ARHGAP19: variants seen among roughly 807,000 people sequenced by gnomAD.
ARHGAP19 encodes the protein rho GTPase-activating protein 19.
ARHGAP19 carries 48 observed loss-of-function variants against 60.9 expected under a neutral mutation model. The ratio of observed to expected loss-of-function variants is 0.79; its 90% CI spans 0.62 to 1.00. The LOEUF is 1.00. Among genes scored for constraint, ARHGAP19 ranks in the 50% least tolerant of loss-of-function variants. ARHGAP19 has a pLI of 0.00. For synonymous variants in ARHGAP19, 209 were observed against 215.5 expected (o/e 0.97, Z 0.27); for missense variants, 562 against 597.2 (o/e 0.94, Z 0.61).
At chr10:97,245,592 T>A (rs1402694063) in intron 7 of ARHGAP19, among the ~76,000 whole-genome samples, 5 of 84,258 alleles carry the variant, frequency 5.9e-5, no homozygotes, top group Non-Finnish European at 1.0e-4. Flanking sequence ...CGAAACCCTA[T>A]CTCAAAAAAA....
chr10:97,256,843 C>A (rs542390403), intron 5 of ARHGAP19, among the ~76,000 whole-genome samples: 3 of 152,128 alleles, frequency 2.0e-5, no homozygotes, highest in African/African-American at 4.8e-5. Context: ...GTAAAATTAC[C>A]GGGCGTGGTG....
chr10:97,226,537 A>G (rs2134797541), intron 11 of ARHGAP19, among the ~76,000 whole-genome samples: 1 of 152,330 alleles, frequency 6.6e-6, no homozygotes, highest in African/African-American at 2.4e-5. Flanking sequence ...AGCTGAATGC[A>G]GAACTCATGC....
chr10:97,269,728 C>G (rs1842939218), intron 1 of ARHGAP19, among the ~76,000 whole-genome samples: 2 of 152,176 alleles, frequency 1.3e-5, no homozygotes, highest in Admixed American at 1.3e-4. Context: ...TAATCATTTT[C>G]TGGAATTCAC....
At chr10:97,241,891 T>C (rs1396737326) in intron 8 of ARHGAP19, among the ~76,000 whole-genome samples, 2 of 150,904 alleles carry the variant, frequency 1.3e-5, no homozygotes, top group African/African-American at 4.9e-5. Flanking sequence ...GCACCTGTAG[T>C]CCCAGCTACT....
intron 1 of ARHGAP19, 41 bp from the exon 2 acceptor site, chr10:97,266,166 G>A (rs373301864): frequency 8.5e-5 from 136 of 1,606,536 alleles, no homozygotes; most frequent in Admixed American, 3.4e-5. Context: ...CATCATTTTT[G>A]TATGTTTCTT....
intron 6 of ARHGAP19, among the ~76,000 whole-genome samples, chr10:97,253,379 C>CAAAAAA (rs551066347): frequency 2.1e-3 from 174 of 82,394 alleles, no homozygotes; most frequent in African/African-American, 7.2e-3. Flanking sequence ...AACTCTATCT[C>CAAAAAA]AAAAAAAAAA....
intron 1 of ARHGAP19, among the ~76,000 whole-genome samples, chr10:97,291,811 T>C (rs931793464): frequency 1.3e-5 from 2 of 152,124 alleles, no homozygotes; most frequent in Admixed American, 6.6e-5. Context: ...TGTAATCAAT[T>C]AAGACAACTT....
chr10:97,243,106 C>T, intron 8 of ARHGAP19, among the ~76,000 whole-genome samples: 1 of 152,166 alleles, frequency 6.6e-6, no homozygotes, highest in Non-Finnish European at 1.5e-5. Context: ...TGCTAGATCT[C>T]AAAGTAATTT....
intron 9 of ARHGAP19, among the ~76,000 whole-genome samples, chr10:97,233,784 C>T (rs1251914473): frequency 1.3e-5 from 2 of 151,926 alleles, no homozygotes; most frequent in Non-Finnish European, 2.9e-5. Context: ...AGGAAAATGG[C>T]TTGAAACCAG....
intron 11 of ARHGAP19, among the ~76,000 whole-genome samples, chr10:97,228,280 G>A (rs2134801201): frequency 6.6e-6 from 1 of 152,312 alleles, no homozygotes; most frequent in Admixed American, 6.5e-5. Flanking sequence ...AAACAATCAT[G>A]TCAAACCAGA....
intron 8 of ARHGAP19, among the ~76,000 whole-genome samples, chr10:97,242,710 C>G (rs1842507969): frequency 6.6e-6 from 1 of 152,144 alleles, no homozygotes; most frequent in African/African-American, 2.4e-5. Context: ...GACTAGGTTT[C>G]TCCATGTTAG....
At position 97,222,192 on chromosome 10, in the gene ARHGAP19, A is replaced by T. The variant is rs894613018; in HGVS notation, c.*3930T>A. Reference sequence around the variant, plus strand: ...AAATCCTCTGGATATGAAACAAAACAATTTTAATTTCAGAATATTACAAGA... The same window carrying T: ...AAATCCTCTGGATATGAAACAAAACTATTTTAATTTCAGAATATTACAAGA... On this transcript the variant is annotated 3_prime_UTR_variant, in exon 12 of 12. Transcript: ENST00000358531. 9 of 152,240 alleles carry T rather than the reference A, an allele frequency of 5.9e-5. No homozygotes were observed. The highest frequency in any genetic ancestry group is 1.0e-4 in the Non-Finnish European group (7 of 68,046). The allele number at this position is 152,240 out of a possible 1,614,324, so 9.4% of individuals were successfully genotyped here.
At chr10:97,238,890 TC>T (rs1842424419) in intron 8 of ARHGAP19, among the ~76,000 whole-genome samples, 1 of 152,196 alleles carries the variant, frequency 6.6e-6, no homozygotes, top group African/African-American at 2.4e-5. Flanking sequence ...CAAGCTCCAT[TC>T]ATGGTAACTG....
intron 1 of ARHGAP19, among the ~76,000 whole-genome samples, chr10:97,278,396 T>C (rs1843044934): frequency 6.6e-6 from 1 of 152,234 alleles, no homozygotes; most frequent in Non-Finnish European, 1.5e-5. Context: ...CGTAACTTTC[T>C]GTAAGTGACA....
intron 8 of ARHGAP19, among the ~76,000 whole-genome samples, chr10:97,240,331 A>G (rs1842459270): frequency 6.6e-6 from 1 of 152,226 alleles, no homozygotes; most frequent in Non-Finnish European, 1.5e-5. Flanking sequence ...TTATGTATAA[A>G]TTTGGTTACA....
rs773398366 is a variant in ARHGAP19 at position 97,264,791 on chromosome 10, T to C, written c.403+35A>G. On this transcript the variant is annotated intron_variant, in intron 3 of 11. Coordinates refer to ENST00000358531, the MANE Select transcript of ARHGAP19 (RefSeq NM_032900.6). ...CTCAACAGAAAACAGAATTCTTCAT[T>C]AAACAAAGAATGATAAAATTTCAAG... is the stretch of plus-strand genomic sequence containing the variant. The C allele has an allele frequency of 4.6e-6, 7 of 1,523,828 alleles. No homozygotes were observed. In the South Asian group the frequency reaches 6.8e-5, roughly 15 times the overall value. 94.4% of individuals were successfully genotyped at this position (1,523,828 alleles called of 1,614,324 possible). A position where few individuals can be genotyped will look rare whatever the true frequency, so the allele number is the denominator to read the frequency against.
At position 97,223,777 on chromosome 10, in the gene ARHGAP19, T is replaced by A. The variant is rs1285220272; in HGVS notation, c.*2345A>T. The A allele has an allele frequency of 6.6e-6, 1 of 152,144 alleles. No homozygotes were observed. Among genetic ancestry groups the A allele is most frequent in the Non-Finnish European group, 1.5e-5 (1 of 68,038 alleles). 9.4% of individuals were successfully genotyped at this position (152,144 alleles called of 1,614,324 possible). On this transcript the variant is annotated 3_prime_UTR_variant, in exon 12 of 12. Transcript: ENST00000358531. Reference sequence around the variant, plus strand: ...AATGATAAAAGGGGTTTTCTCTGTGTTTTCCGTAAGATTCCACTGGATTAG... The same window carrying A: ...AATGATAAAAGGGGTTTTCTCTGTGATTTCCGTAAGATTCCACTGGATTAG...
rs1850970282 is a variant in ARHGAP19, at chr10:97,229,808, CCA to C, written c.1349_1350del (p.Val450GlyfsTer4). The part of the protein sequence containing the change: ...KKKKNPTPES[V>X]AIGELKGTSK... ...CTGGTTCCCTTCAATTCACCAATGGCCACAGATTCTGGAGTAGGGTTCTTCTT... is the reference window on the plus strand; with the variant it reads ...CTGGTTCCCTTCAATTCACCAATGGCCAGATTCTGGAGTAGGGTTCTTCTT... On this transcript the variant is annotated frameshift_variant, in exon 10 of 12. Coordinates refer to ENST00000358531, the MANE Select transcript of ARHGAP19 (RefSeq NM_032900.6). LOFTEE classifies it high-confidence loss of function. 3 of 1,613,262 alleles carry C rather than the reference CCA, an allele frequency of 1.9e-6. No homozygotes were observed. The South Asian group carries it at 3.3e-5, about 18-fold the overall frequency.
At chr10:97,238,275 T>C (rs942199608) in intron 8 of ARHGAP19, among the ~76,000 whole-genome samples, 2 of 152,164 alleles carry the variant, frequency 1.3e-5, no homozygotes, top group Non-Finnish European at 2.9e-5. Context: ...GTGCGGATCA[T>C]AGCTCACCGC....
Sources: allele counts gnomAD v4.1 joint callset (sites outside exome capture counted in the v4.1 genomes callset), GRCh38; gene constraint gnomAD v4.1.1; transcripts MANE v1.5; gene names NCBI Gene and HGNC (gene_info 2026-07-23, HGNC 2026-07-21).